The following GPR20 variants were observed in gnomAD, a reference collection of about 807,000 sequenced individuals.
GPR20 encodes the protein CTD-3064M3.3.
For synonymous variants in GPR20, 241 were observed against 241.9 expected (o/e 1.00, Z 0.04); for missense variants, 494 against 527.4 (o/e 0.94, Z 0.62).
In GPR20 at chr8:141,356,742, C is replaced by T. The variant is rs890962345; in HGVS notation, c.*105G>A. 3 of 751,876 alleles carry T rather than the reference C, an allele frequency of 4.0e-6. No homozygotes were observed. The highest frequency in any genetic ancestry group is 3.5e-5 in the African/African-American group (2 of 57,228). 46.6% of individuals were successfully genotyped at this position (751,876 alleles called of 1,614,324 possible). ...AATGCGGTGCTCTGGGTAGCCATCA[C>T]CAATCAATCGAGATGGAACCGATTG... On this transcript the variant is annotated 3_prime_UTR_variant, in exon 2 of 2. Transcript: ENST00000377741.
intron 1 of GPR20, among the ~76,000 whole-genome samples, chr8:141,358,915 G>C (rs960453652): frequency 6.6e-6 from 1 of 150,642 alleles, no homozygotes; most frequent in East Asian, 1.9e-4. Context: ...GGCCAGGGTG[G>C]GGGGCGGGCG....
chr8:141,358,914 G>A (rs534053693), intron 1 of GPR20, among the ~76,000 whole-genome samples: 5 of 150,538 alleles, frequency 3.3e-5, no homozygotes, highest in African/African-American at 1.2e-4. Flanking sequence ...GGGCCAGGGT[G>A]GGGGGCGGGC....
chr8:141,356,677 A>G lies in GPR20; in HGVS notation c.*170T>C, dbSNP rs1831640361. The G allele has an allele frequency of 1.1e-5, 6 of 540,572 alleles. No individual in the cohort carries two copies. The highest frequency in any genetic ancestry group is 1.9e-5 in the Non-Finnish European group (6 of 308,690). 33.5% of individuals were successfully genotyped at this position (540,572 alleles called of 1,614,324 possible). A position where few individuals can be genotyped will look rare whatever the true frequency, so the allele number is the denominator to read the frequency against. On this transcript the variant is annotated 3_prime_UTR_variant, in exon 2 of 2. Coordinates refer to ENST00000377741, the MANE Select transcript of GPR20 (RefSeq NM_005293.3). ...CACATCCCATCGGAGCCAGTGGCAG[A>G]CATTGCTAATCAACCACAGCACAGT...
chr8:141,356,685 A>T lies in GPR20; in HGVS notation c.*162T>A. 1 of 546,368 alleles carries T rather than the reference A, an allele frequency of 1.8e-6. No individual in the cohort carries two copies. Among genetic ancestry groups the T allele is most frequent in the Admixed American group, 3.5e-5 (1 of 28,566 alleles). 33.8% of individuals were successfully genotyped at this position (546,368 alleles called of 1,614,324 possible). On this transcript the variant is annotated 3_prime_UTR_variant, in exon 2 of 2. Transcript: ENST00000377741. ...ATCGGAGCCAGTGGCAGACATTGCT[A>T]ATCAACCACAGCACAGTGGCCTTAG...
chr8:141,365,902 T>C (rs1477931345), intron 1 of GPR20, among the ~76,000 whole-genome samples: 1 of 152,162 alleles, frequency 6.6e-6, no homozygotes, highest in Non-Finnish European at 1.5e-5. Flanking sequence ...GTTCCCTATG[T>C]CCCTGCTTTC....
chr8:141,357,682 C>G lies in GPR20; in HGVS notation c.242G>C (p.Arg81Pro). ...GACTGAGGGTGTCTTGGCCCGGGTG[C>G]GGCAGCAGAAGACGTACAGCGCCAG... is the stretch of plus-strand genomic sequence containing the variant. ...NGLALYVFCC[R>P]TRAKTPSVIY... is the part of the protein sequence containing the mutation. Residue 81 changes from arginine (R) to proline (P), a missense_variant, in exon 2 of 2, where the codon CGC becomes CCC. Physicochemically the swap from Arg to Pro is moderately radical, Grantham distance 103. Transcript: ENST00000377741. 6.2e-7 allele frequency: 1 copy of G among 1,613,378 alleles called. No homozygotes were observed. The highest frequency in any genetic ancestry group is 8.5e-7 in the Non-Finnish European group (1 of 1,179,892).
At chr8:141,362,216 C>T (rs1174093889) in intron 1 of GPR20, among the ~76,000 whole-genome samples, 1 of 152,228 alleles carries the variant, frequency 6.6e-6, no homozygotes, top group Non-Finnish European at 1.5e-5. Flanking sequence ...TTATTCATGC[C>T]CATTTTTAGG....
At chr8:141,362,360 G>C (rs1025595861) in intron 1 of GPR20, among the ~76,000 whole-genome samples, 1 of 151,974 alleles carries the variant, frequency 6.6e-6, no homozygotes, top group Non-Finnish European at 1.5e-5. Context: ...TGTGCTGCAG[G>C]CTTCCCTGTT....
chr8:141,364,573 A>T (rs535532994), intron 1 of GPR20, among the ~76,000 whole-genome samples: 1 of 152,134 alleles, frequency 6.6e-6, no homozygotes, highest in African/African-American at 2.4e-5. Context: ...GCAGAGAGAG[A>T]CGTCACTGGT....
intron 1 of GPR20, among the ~76,000 whole-genome samples, chr8:141,359,615 G>A (rs1831703732): frequency 6.6e-6 from 1 of 152,248 alleles, no homozygotes; most frequent in Non-Finnish European, 1.5e-5. Context: ...CGCGGGCATT[G>A]ATGGGTGCAT....
At chr8:141,365,584 T>C (rs780209918) in intron 1 of GPR20, among the ~76,000 whole-genome samples, 39 of 152,182 alleles carry the variant, frequency 2.6e-4, no homozygotes, top group Admixed American at 4.6e-4. Flanking sequence ...CTTTCCGAGC[T>C]GACAGCTCAG....
rs953845527 is a variant in GPR20, at chr8:141,357,238, A to G, written c.686T>C (p.Leu229Pro). 4 of 1,549,122 alleles carry G rather than the reference A, an allele frequency of 2.6e-6. No homozygotes were observed. The highest frequency in any genetic ancestry group is 2.7e-5 in the African/African-American group (2 of 73,386). Residue 229 changes from leucine to proline, a missense_variant, in exon 2 of 2, where the codon CTC (leucine) becomes CCC (proline). Transcript: ENST00000377741. ...IMCALSRPGLLHQGRQRRVRA... is the reference protein window; with the variant it reads ...IMCALSRPGLPHQGRQRRVRA... ...CACGCGGCGCTGGCGACCCTGGTGG[A>G]GCAGACCCGGCCGCGACAGTGCACA...
intron 1 of GPR20, among the ~76,000 whole-genome samples, chr8:141,360,024 C>T (rs1265624099): frequency 2.6e-5 from 4 of 152,106 alleles, no homozygotes; most frequent in African/African-American, 2.4e-5. Context: ...GTGATGCTGG[C>T]CCCTGGGAAT....
intron 1 of GPR20, among the ~76,000 whole-genome samples, chr8:141,359,199 T>C (rs1359988582): frequency 2.6e-5 from 4 of 151,972 alleles, no homozygotes; most frequent in Admixed American, 2.6e-4. Context: ...CCCCTTCCCC[T>C]CCTGGTGGCC....
rs1267840832 is a variant in GPR20 at position 141,357,816 on chromosome 8, G to T, written c.108C>A (p.His36Gln). The T allele has an allele frequency of 1.9e-6, 3 of 1,613,308 alleles. No homozygotes were observed. ...NASGLEVPLF[H>Q]LFARLDEELH... ...GCTCCTCGTCCAGCCGGGCAAACAG[G>T]TGGAACAGGGGCACCTCCAGCCCGC... The change falls in exon 2 of 2, where the codon CAC (histidine) becomes CAA (glutamine). Residue 36 changes from histidine (H) to glutamine (Q), a missense_variant. His to Gln is a conservative substitution (Grantham distance 24, BLOSUM62 0). Coordinates refer to ENST00000377741, the MANE Select transcript of GPR20 (RefSeq NM_005293.3).
At chr8:141,358,905 G>C (rs1204208574) in intron 1 of GPR20, among the ~76,000 whole-genome samples, 1 of 150,880 alleles carries the variant, frequency 6.6e-6, no homozygotes, top group Admixed American at 6.6e-5. Flanking sequence ...TGGGCAGGGG[G>C]GCCAGGGTGG....
At chr8:141,360,027 C>A (rs996542979) in intron 1 of GPR20, among the ~76,000 whole-genome samples, 2 of 152,160 alleles carry the variant, frequency 1.3e-5, no homozygotes, top group Non-Finnish European at 2.9e-5. Flanking sequence ...ATGCTGGCCC[C>A]TGGGAATTCT....
chr8:141,365,118 C>T lies in GPR20; in HGVS notation c.-25+2083G>A, dbSNP rs770277333. Among the ~76,000 whole-genome samples, 93 of 152,326 alleles carry T rather than the reference C, an allele frequency of 6.1e-4. 3 individuals are homozygous for T. The highest frequency in any genetic ancestry group is 3.4e-3 in the Middle Eastern group (1 of 294). The stretch of plus-strand genomic sequence containing the variant: ...TCCCTGTGCCACCTGGTGAAGGCTC[C>T]GGGCACCCACAGTCATTGTTCCACA... On this transcript the variant is annotated intron_variant, in intron 1 of 1. Transcript: ENST00000377741.
intron 1 of GPR20, among the ~76,000 whole-genome samples, chr8:141,363,375 G>A (rs1831767900): frequency 1.3e-5 from 2 of 152,264 alleles, no homozygotes; most frequent in Admixed American, 1.3e-4. Flanking sequence ...TGTGCTCAGT[G>A]CAGGACTTCT....
Sources: allele counts gnomAD v4.1 joint callset (sites outside exome capture counted in the v4.1 genomes callset), GRCh38; gene constraint gnomAD v4.1.1; transcripts MANE v1.5; gene names NCBI Gene and HGNC (gene_info 2026-07-23, HGNC 2026-07-21).